ARID5B: variants seen among roughly 807,000 people sequenced by gnomAD.
ARID5B encodes the protein AT-rich interactive domain-containing protein 5B.
A neutral mutation model predicts 97.2 loss-of-function variants in ARID5B; 13 were observed. The observed-to-expected ratio is 0.13, with a 90% confidence interval of 0.09 to 0.21. ARID5B has a LOEUF of 0.21. ARID5B is among the 10% of genes least tolerant of loss of function. The pLI is 1.00. For missense variants in ARID5B, 1,210 were observed against 1,465.3 expected (o/e 0.83, Z 2.84); for synonymous variants, 556 against 570.3 (o/e 0.97, Z 0.36).
chr10:62,085,890 A>T lies in ARID5B; in HGVS notation c.1388A>T (p.Asp463Val). ...AAAGAAAATGCCCCAAAGCCCCAGGATGCAGCAGAGGTGAGTTGCTTTGCT... is the reference window on the plus strand; with the variant it reads ...AAAGAAAATGCCCCAAAGCCCCAGGTTGCAGCAGAGGTGAGTTGCTTTGCT... ...KEKENAPKPQ[D>V]AAEVSSEQEK... Residue 463 changes from aspartate to valine, a missense_variant, in exon 9 of 10, where the codon GAT becomes GTT. Physicochemically the swap from Asp to Val is radical, Grantham distance 152 (BLOSUM62 -3). Coordinates refer to ENST00000279873, the MANE Select transcript of ARID5B (RefSeq NM_032199.3). 6.2e-7 allele frequency: 1 copy of T among 1,612,428 alleles called. No individual in the cohort carries two copies. The highest frequency in any genetic ancestry group is 8.5e-7 in the Non-Finnish European group (1 of 1,179,730).
intron 4 of ARID5B, among the ~76,000 whole-genome samples, chr10:62,033,872 G>A (rs1463902465): frequency 2.0e-5 from 3 of 152,140 alleles, no homozygotes; most frequent in Admixed American, 6.5e-5. Flanking sequence ...TGACTTGCCC[G>A]AGGTCATATA....
chr10:61,953,291 G>A (rs1206742385), intron 3 of ARID5B, among the ~76,000 whole-genome samples: 2 of 152,092 alleles, frequency 1.3e-5, no homozygotes, highest in African/African-American at 2.4e-5. Flanking sequence ...TGTTTTCATA[G>A]CAGAGCTGAT....
At chr10:62,046,213 G>T (rs987962374) in intron 4 of ARID5B, among the ~76,000 whole-genome samples, 1 of 152,064 alleles carries the variant, frequency 6.6e-6, no homozygotes, top group Admixed American at 6.6e-5. Context: ...AAAAAGAGAC[G>T]GTCATGACAG....
At chr10:61,966,908 A>AT (rs1343628311) in intron 3 of ARID5B, among the ~76,000 whole-genome samples, 2 of 151,990 alleles carry the variant, frequency 1.3e-5, no homozygotes, top group Non-Finnish European at 1.5e-5. Flanking sequence ...GATCTATAAC[A>AT]TTTTTTATCC....
At chr10:61,901,815 C>T in intron 1 of ARID5B, 85 bp downstream of exon 1, 1 of 1,068,790 alleles carries the variant, frequency 9.4e-7, no homozygotes, top group African/African-American at 1.5e-5. Context: ...CTGCACCCAC[C>T]CACACCCCCC....
At chr10:61,915,046 T>A (rs1352772382) in intron 2 of ARID5B, among the ~76,000 whole-genome samples, 1 of 152,244 alleles carries the variant, frequency 6.6e-6, no homozygotes, top group Non-Finnish European at 1.5e-5. Context: ...TATGAAAGCT[T>A]CTTTCCTGCT....
At chr10:61,932,407 CT>C (rs1844225900) in intron 2 of ARID5B, among the ~76,000 whole-genome samples, 1 of 145,974 alleles carries the variant, frequency 6.9e-6, no homozygotes, top group Non-Finnish European at 1.5e-5. Flanking sequence ...TTTTCTTTTT[CT>C]TTTTCTTTTT....
chr10:61,910,106 C>A (rs4948487), intron 2 of ARID5B, among the ~76,000 whole-genome samples: 75,566 of 152,022 alleles, frequency 0.5, 19,127 homozygotes, highest in African/African-American at 0.58. Flanking sequence ...TAGTGCCTCA[C>A]AATTGTAAGC....
At chr10:61,980,270 C>T (rs931969818) in intron 3 of ARID5B, among the ~76,000 whole-genome samples, 1 of 152,210 alleles carries the variant, frequency 6.6e-6, no homozygotes, top group Admixed American at 6.5e-5. Context: ...TGGTCACAGT[C>T]TCCCTAGAAG....
chr10:61,914,147 A>AT (rs552957829), intron 2 of ARID5B, among the ~76,000 whole-genome samples: 139 of 152,210 alleles, frequency 9.1e-4, no homozygotes, highest in African/African-American at 3.3e-3. Context: ...CATTTCTATA[A>AT]TTTTTCCTGA....
At chr10:61,906,578 G>A (rs1200288376) in intron 2 of ARID5B, among the ~76,000 whole-genome samples, 2 of 152,186 alleles carry the variant, frequency 1.3e-5, no homozygotes, top group East Asian at 3.8e-4. Context: ...CTGTGCTTGT[G>A]GATGGCTAAG....
intron 2 of ARID5B, among the ~76,000 whole-genome samples, chr10:61,906,868 G>C (rs1843717177): frequency 6.6e-6 from 1 of 152,208 alleles, no homozygotes; most frequent in Non-Finnish European, 1.5e-5. Flanking sequence ...CATCTGTAAA[G>C]TGGAAATACG....
At chr10:62,026,108 G>A (rs938638648) in intron 4 of ARID5B, among the ~76,000 whole-genome samples, 5 of 152,186 alleles carry the variant, frequency 3.3e-5, no homozygotes, top group Non-Finnish European at 7.3e-5. Flanking sequence ...GATTCCAAGT[G>A]CCTTTTCCAT....
chr10:62,077,832 A>G (rs1486539559), intron 8 of ARID5B, among the ~76,000 whole-genome samples: 1 of 152,246 alleles, frequency 6.6e-6, no homozygotes, highest in Non-Finnish European at 1.5e-5. Context: ...CCACTGCACA[A>G]ACATCTTTTC....
At chr10:61,916,843 T>C (rs1282084155) in intron 2 of ARID5B, among the ~76,000 whole-genome samples, 1 of 152,112 alleles carries the variant, frequency 6.6e-6, no homozygotes, top group Non-Finnish European at 1.5e-5. Context: ...CTCCTTGAGG[T>C]CTTCCATTGA....
intron 2 of ARID5B, among the ~76,000 whole-genome samples, chr10:61,909,722 G>A (rs1231621354): frequency 1.3e-5 from 2 of 152,202 alleles, no homozygotes; most frequent in African/African-American, 2.4e-5. Flanking sequence ...CTTTCTGGCA[G>A]ATGACCAGTG....
intron 4 of ARID5B, among the ~76,000 whole-genome samples, chr10:62,019,909 G>A (rs895220899): frequency 5.9e-5 from 9 of 152,180 alleles, no homozygotes; most frequent in Non-Finnish European, 1.2e-4. Context: ...GGCTGAGCTC[G>A]TTCTGATTCC....
chr10:61,970,199 TCTTA>T (rs142199836), intron 3 of ARID5B, among the ~76,000 whole-genome samples: 1,854 of 152,326 alleles, frequency 0.012, 31 homozygotes, highest in African/African-American at 0.042. Context: ...ATGAAAAAGC[TCTTA>T]CTTAAATAAA....
chr10:61,927,860 C>T (rs1844134307), intron 2 of ARID5B, among the ~76,000 whole-genome samples: 1 of 152,132 alleles, frequency 6.6e-6, no homozygotes, highest in African/African-American at 2.4e-5. Context: ...TAAAAGTCTC[C>T]AGCGGAGAGT....
Sources: gnomAD v4.1 joint callset for allele counts (sites outside exome capture counted in the v4.1 genomes callset) on GRCh38, gnomAD v4.1.1 for gene constraint, MANE v1.5 for transcripts, NCBI Gene and HGNC (gene_info 2026-07-23, HGNC 2026-07-21) for gene names.